The following PSMD8 variants were observed in gnomAD, a reference collection of about 807,000 sequenced individuals.
The protein encoded by PSMD8 is 26S proteasome non-ATPase regulatory subunit 8.
PSMD8 carries 30 observed loss-of-function variants against 40.0 expected under a neutral mutation model. The ratio of observed to expected loss-of-function variants is 0.75; its 90% CI spans 0.56 to 1.02. PSMD8 has a LOEUF of 1.02. Ranked by LOEUF, PSMD8 falls within the 50% of genes least tolerant of loss-of-function variation. The pLI is 0.00. For missense variants in PSMD8, 461 were observed against 463.9 expected, an observed-to-expected ratio of 0.99 and a Z score of 0.06; for synonymous variants, 208 against 192.5, an observed-to-expected ratio of 1.08 and a Z score of -0.67.
Position 38,374,904 on chromosome 19 carries a change from G to C in PSMD8, c.303G>C (p.Glu101Asp), listed in dbSNP as rs752586818. 1 of 1,587,402 alleles carries C rather than the reference G, an allele frequency of 6.3e-7. No homozygotes were observed. Among genetic ancestry groups the C allele is most frequent in the Non-Finnish European group, 8.5e-7 (1 of 1,174,816 alleles). ...ATGMYEQLKG[E>D]WNRKSPNLSK... The stretch of plus-strand genomic sequence containing the variant: ...GCATGTACGAGCAACTCAAGGGCGA[G>C]TGGAACCGTAAAAGCCCCAATCTTA... Residue 101 changes from glutamate (E) to aspartate (D), a missense_variant, in exon 1 of 7, where the codon GAG becomes GAC. Glu to Asp is a conservative substitution (Grantham distance 45, BLOSUM62 2). This residue lies in a region of PSMD8 where 236 missense variants were observed against 321.2 expected (regional missense o/e 0.73). Transcript: ENST00000215071.
At chr19:38,381,752 G>C (rs1199874281) in intron 5 of PSMD8, among the ~76,000 whole-genome samples, 1 of 152,136 alleles carries the variant, frequency 6.6e-6, no homozygotes, top group Middle Eastern at 3.2e-3. Context: ...ATGGGTACAA[G>C]GAACCCCCTC....
chr19:38,381,085 A>G, intron 5 of PSMD8, 86 bp downstream of exon 5: 1 of 1,117,082 alleles, frequency 9.0e-7, no homozygotes, highest in Non-Finnish European at 1.3e-6. Flanking sequence ...CATTCCAGCC[A>G]TTGGTTGTCT....
Position 38,374,740 on chromosome 19 carries a change from T to G in PSMD8, c.139T>G (p.Cys47Gly), listed in dbSNP as rs79875980. 2 of 1,553,488 alleles carry G rather than the reference T, an allele frequency of 1.3e-6. No homozygotes were observed. The highest frequency in any genetic ancestry group is 1.7e-6 in the Non-Finnish European group (2 of 1,152,946). Reference protein sequence around the residue: ...SRPHFRRASVCRRRCRKSGGL... With the variant: ...SRPHFRRASVGRRRCRKSGGL... ...GCCCCACTTCCGCCGGGCAAGCGTT[T>G]GTAGGCGGCGCTGCCGTAAATCAGG... Residue 47 changes from cysteine to glycine, a missense_variant, in exon 1 of 7, where the codon TGT (cysteine) becomes GGT (glycine). By Grantham distance (159) the Cys-to-Gly change is radical (BLOSUM62 -3). This residue lies in a region of PSMD8 where 225 missense variants were observed against 142.7 expected (regional missense o/e 1.58). Coordinates refer to ENST00000215071, the MANE Select transcript of PSMD8 (RefSeq NM_002812.5).
chr19:38,375,419 G>A, intron 1 of PSMD8: 1 of 194,254 alleles, frequency 5.1e-6, no homozygotes, highest in South Asian at 7.0e-5. Context: ...TGGCAGGATT[G>A]GGATTCGGGC....
At position 38,378,884 on chromosome 19, in the gene PSMD8, C is replaced by T. The variant is rs151193352; in HGVS notation, c.537-356C>T. Reference sequence around the variant, plus strand: ...AGGAGAATCGCTTGAACCCGGCAAGCGGAGGTTGCAGTGAGCCAAGAACGC... The same window carrying T: ...AGGAGAATCGCTTGAACCCGGCAAGTGGAGGTTGCAGTGAGCCAAGAACGC... On this transcript the variant is annotated intron_variant, in intron 3 of 6. Transcript: ENST00000215071. Among the ~76,000 whole-genome samples the T allele has an allele frequency of 9.2e-5, 14 of 152,164 alleles. No homozygotes were observed. In the East Asian group the frequency reaches 2.1e-3, roughly 23 times the overall value.
chr19:38,383,526 TTC>T lies in PSMD8; in HGVS notation c.*138_*139del, dbSNP rs1299436613. The T allele has an allele frequency of 8.3e-7, 1 of 1,197,936 alleles. No individual in the cohort carries two copies. Among genetic ancestry groups the T allele is most frequent in the African/African-American group, 1.5e-5 (1 of 65,084 alleles). 74.2% of individuals were successfully genotyped at this position (1,197,936 alleles called of 1,614,324 possible). ...CCAGTTGGGACGGCAGAGAGACAAG[TTC>T]TTATATCTGAAGAACTTGGAGGTTT... is the stretch of plus-strand genomic sequence containing the variant. On this transcript the variant is annotated 3_prime_UTR_variant, in exon 7 of 7. Transcript: ENST00000215071.
intron 3 of PSMD8, among the ~76,000 whole-genome samples, chr19:38,376,858 A>G (rs761039692): frequency 2.0e-4 from 30 of 152,122 alleles, no homozygotes; most frequent in Non-Finnish European, 3.5e-4. Context: ...GTGGCTTCCA[A>G]TGCAGTTCCA....
In PSMD8 at chr19:38,374,727, C is replaced by T; in HGVS notation, c.126C>T (p.Arg42=). 1 of 1,549,470 alleles carries T rather than the reference C, an allele frequency of 6.5e-7. No individual in the cohort carries two copies. Among genetic ancestry groups the T allele is most frequent in the South Asian group, 1.2e-5 (1 of 84,670 alleles). ...ALGSTSRPHF[R]RASVCRRRCR... is the part of the protein sequence containing the mutation. ...GCTCCACCTCTCGGCCCCACTTCCG[C>T]CGGGCAAGCGTTTGTAGGCGGCGCT... Residue 42 remains arginine (R), a synonymous_variant, in exon 1 of 7, where the codon CGC becomes CGT. Coordinates refer to ENST00000215071, the MANE Select transcript of PSMD8 (RefSeq NM_002812.5).
intron 3 of PSMD8, among the ~76,000 whole-genome samples, chr19:38,377,634 T>A (rs1970608561): frequency 6.6e-6 from 1 of 152,000 alleles, no homozygotes; most frequent in Non-Finnish European, 1.5e-5. Context: ...GTAGCTGGGA[T>A]TACAGGCATG....
At chr19:38,382,914 G>GAAA (rs113895207) in intron 6 of PSMD8, 38 of 182,472 alleles carry the variant, frequency 2.1e-4, no homozygotes, top group South Asian at 6.3e-4. Flanking sequence ...TCTGTCTGGG[G>GAAA]AAAAAAAAAA....
At chr19:38,376,737 C>T (rs1030155510) in intron 3 of PSMD8, among the ~76,000 whole-genome samples, 15 of 152,200 alleles carry the variant, frequency 9.9e-5, no homozygotes, top group Non-Finnish European at 2.1e-4. Flanking sequence ...ACTCAAACCC[C>T]TGTGGCAGCC....
At position 38,383,413 on chromosome 19, in the gene PSMD8, C is replaced by T. The variant is rs1207425965; in HGVS notation, c.*23C>T. On this transcript the variant is annotated 3_prime_UTR_variant, in exon 7 of 7. Transcript: ENST00000215071. ...TGAGCCCCCCGGGCACTGGGTGGGG[C>T]AGGGCACGAGTTATTTAAAACAGTT... 6.2e-7 allele frequency: 1 copy of T among 1,613,836 alleles called. No individual in the cohort carries two copies. The highest frequency in any genetic ancestry group is 8.5e-7 in the Non-Finnish European group (1 of 1,179,814).
At chr19:38,375,040 G>A (rs1214502408) in intron 1 of PSMD8, 79 bp downstream of exon 1, 10 of 1,511,858 alleles carry the variant, frequency 6.6e-6, no homozygotes, top group Middle Eastern at 1.8e-4. Context: ...ACCAAGTCCC[G>A]GGCCGCGGAA....
intron 6 of PSMD8, chr19:38,382,913 GGA>G: frequency 1.2e-5 from 3 of 251,024 alleles, no homozygotes; most frequent in Non-Finnish European, 1.6e-5. Context: ...CTCTGTCTGG[GGA>G]AAAAAAAAAA....
chr19:38,378,415 G>A (rs1970614070), intron 3 of PSMD8, among the ~76,000 whole-genome samples: 1 of 151,874 alleles, frequency 6.6e-6, no homozygotes, highest in Non-Finnish European at 1.5e-5. Flanking sequence ...GGCTGAGGCA[G>A]GAGAATGGCA....
intron 6 of PSMD8, 129 bp from the exon 7 acceptor site, chr19:38,383,124 G>A: frequency 1.7e-6 from 2 of 1,211,086 alleles, no homozygotes; most frequent in Non-Finnish European, 2.3e-6. Context: ...TACTTGTCAA[G>A]GGTCGTTGGG....
At chr19:38,376,127 T>G in intron 1 of PSMD8, 33 bp from the exon 2 acceptor site, 1 of 1,545,986 alleles carries the variant, frequency 6.5e-7, no homozygotes, top group Non-Finnish European at 8.9e-7. Context: ...AATTCCCTTC[T>G]TTTCTTTCTT....
At chr19:38,382,428 A>G in intron 6 of PSMD8, 200 bp downstream of exon 6, 1 of 600,412 alleles carries the variant, frequency 1.7e-6, no homozygotes, top group South Asian at 2.0e-5. Context: ...TGAGCTTAGT[A>G]CCTGGCAGCA....
chr19:38,380,262 G>T (rs117951369), intron 4 of PSMD8, among the ~76,000 whole-genome samples: 1 of 152,306 alleles, frequency 6.6e-6, no homozygotes, highest in Non-Finnish European at 1.5e-5. Flanking sequence ...CTCCAGCCTG[G>T]GCAACAGGCT....
Sources: gnomAD v4.1 joint callset for allele counts (sites outside exome capture counted in the v4.1 genomes callset) on GRCh38, gnomAD v4.1.1 for gene constraint, gnomAD v4.1.1 regional missense constraint, MANE v1.5 for transcripts, NCBI Gene and HGNC (gene_info 2026-07-23, HGNC 2026-07-21) for gene names.